BTBD9: variants seen among roughly 807,000 people sequenced by gnomAD.
The protein encoded by BTBD9 is BTB domain containing 9.
A neutral mutation model predicts 64.3 loss-of-function variants in BTBD9; 49 were observed. The observed-to-expected ratio is 0.76, with a 90% confidence interval of 0.61 to 0.97. The LOEUF is 0.97. BTBD9 is among the 50% of genes least tolerant of loss of function. BTBD9 has a pLI of 0.00. For missense variants in BTBD9, 598 were observed against 762.1 expected, an observed-to-expected ratio of 0.78 and a Z score of 2.53; for synonymous variants, 260 against 274.7, an observed-to-expected ratio of 0.95 and a Z score of 0.53.
At chr6:38,596,616 C>A (rs1051514635) in intron 2 of BTBD9, among the ~76,000 whole-genome samples, 8 of 151,710 alleles carry the variant, frequency 5.3e-5, no homozygotes, top group African/African-American at 1.9e-4. Flanking sequence ...CTGGCTAACA[C>A]GGTGAAACCC....
intron 8 of BTBD9, among the ~76,000 whole-genome samples, chr6:38,279,309 C>T (rs575271217): frequency 2.6e-5 from 4 of 152,080 alleles, no homozygotes; most frequent in Non-Finnish European, 4.4e-5. Context: ...CAGGTGCTAT[C>T]GAGATGTACC....
intron 1 of BTBD9, among the ~76,000 whole-genome samples, chr6:38,636,975 C>A (rs980917455): frequency 6.6e-6 from 1 of 152,150 alleles, no homozygotes; most frequent in Non-Finnish European, 1.5e-5. Context: ...TTTCCAAAAG[C>A]GCTATTTAAT....
At position 38,544,776 on chromosome 6, in the gene BTBD9, A is replaced by C. The variant is rs534362927; in HGVS notation, c.1154+32824T>G. On this transcript the variant is annotated intron_variant, in intron 6 of 10. Transcript: ENST00000481247. Reference sequence around the variant, plus strand: ...ACCCTGTCTCTACTAAAAATACAAAAATTAGCCGGGCGTGGTGGTGGGCAC... The same window carrying C: ...ACCCTGTCTCTACTAAAAATACAAACATTAGCCGGGCGTGGTGGTGGGCAC... Among the ~76,000 whole-genome samples the C allele has an allele frequency of 1.3e-4, 19 of 151,792 alleles. No individual in the cohort carries two copies. The South Asian group carries it at 2.3e-3, about 18-fold the overall frequency.
chr6:38,327,654 A>G (rs190457510), intron 7 of BTBD9, among the ~76,000 whole-genome samples: 1 of 152,320 alleles, frequency 6.6e-6, no homozygotes, highest in East Asian at 1.9e-4. Context: ...TCGTGAAACC[A>G]TCAGCACAAT....
chr6:38,363,604 G>T (rs2127599606), intron 6 of BTBD9, among the ~76,000 whole-genome samples: 1 of 152,254 alleles, frequency 6.6e-6, no homozygotes, highest in East Asian at 1.9e-4. Context: ...TAACTCTGAA[G>T]AGCTTGCATG....
intron 4 of BTBD9, among the ~76,000 whole-genome samples, chr6:38,584,093 G>A (rs564851844): frequency 8.5e-5 from 13 of 152,208 alleles, no homozygotes; most frequent in South Asian, 2.1e-4. Context: ...TTGGGAGGCC[G>A]AGACAGGTGG....
chr6:38,448,630 G>A (rs1769379758), intron 6 of BTBD9, among the ~76,000 whole-genome samples: 1 of 152,112 alleles, frequency 6.6e-6, no homozygotes, highest in South Asian at 2.1e-4. Flanking sequence ...CAATTCTTGT[G>A]CTTCAGCCTC....
chr6:38,391,269 C>T (rs1462720931), intron 6 of BTBD9, among the ~76,000 whole-genome samples: 8 of 152,174 alleles, frequency 5.3e-5, no homozygotes. Flanking sequence ...TTAACAATTT[C>T]CTAATCACAT....
chr6:38,362,605 G>A (rs1765006941), intron 6 of BTBD9, among the ~76,000 whole-genome samples: 1 of 152,178 alleles, frequency 6.6e-6, no homozygotes, highest in Admixed American at 6.5e-5. Flanking sequence ...GAAACGTGAT[G>A]CTTAAGGCTT....
intron 9 of BTBD9, among the ~76,000 whole-genome samples, chr6:38,195,806 C>T (rs915936699): frequency 6.6e-6 from 1 of 152,112 alleles, no homozygotes. Context: ...ATGTGCAGAA[C>T]TATACACGTA....
intron 6 of BTBD9, among the ~76,000 whole-genome samples, chr6:38,560,983 T>C (rs1008205722): frequency 2.0e-5 from 3 of 152,232 alleles, no homozygotes; most frequent in Non-Finnish European, 2.9e-5. Context: ...CAGTCTACCA[T>C]TGATGGGCAT....
At chr6:38,417,215 A>C (rs1767707068) in intron 6 of BTBD9, among the ~76,000 whole-genome samples, 1 of 152,136 alleles carries the variant, frequency 6.6e-6, no homozygotes, top group Admixed American at 6.5e-5. Flanking sequence ...AAGCACCAGG[A>C]TTATAGGCAT....
chr6:38,556,633 AT>A (rs1430027812), intron 6 of BTBD9, among the ~76,000 whole-genome samples: 57 of 149,994 alleles, frequency 3.8e-4, no homozygotes, highest in African/African-American at 9.6e-4. Context: ...AAAATAAAAC[AT>A]TTTTTTTTAA....
At chr6:38,488,875 T>C (rs1771573106) in intron 6 of BTBD9, among the ~76,000 whole-genome samples, 1 of 146,354 alleles carries the variant, frequency 6.8e-6, no homozygotes, top group Non-Finnish European at 1.5e-5. Flanking sequence ...ATTTTCAACA[T>C]TTTATTATTT....
chr6:38,611,911 T>C (rs563174810), intron 1 of BTBD9, among the ~76,000 whole-genome samples: 6 of 152,338 alleles, frequency 3.9e-5, no homozygotes, highest in African/African-American at 1.2e-4. Context: ...TCATACTGCA[T>C]CTTTCTTGGT....
At chr6:38,591,710 T>G (rs898362354) in intron 4 of BTBD9, among the ~76,000 whole-genome samples, 8 of 151,996 alleles carry the variant, frequency 5.3e-5, no homozygotes, top group African/African-American at 1.9e-4. Context: ...CCTCAAAGAG[T>G]TGTGAGAATT....
chr6:38,630,526 A>T (rs1778327401), intron 1 of BTBD9, among the ~76,000 whole-genome samples: 1 of 152,200 alleles, frequency 6.6e-6, no homozygotes, highest in South Asian at 2.1e-4. Flanking sequence ...GAGAGAGAGA[A>T]GGATAAAACA....
rs541249866 is a variant in BTBD9, at chr6:38,275,892, T to C, written c.1454+12380A>G. On this transcript the variant is annotated intron_variant, in intron 8 of 10. Coordinates refer to ENST00000481247, the MANE Select transcript of BTBD9 (RefSeq NM_001099272.2). ...TGGAGAAATAGGAACACTTTTACAC[T>C]GTTGGTGGGACTGTAAACTAGTTCA... 1.3e-3 allele frequency among the ~76,000 whole-genome samples: 191 copies of C among 152,010 alleles called. 1 individual carries two copies. Among genetic ancestry groups the C allele is most frequent in the South Asian group, 4.2e-3 (20 of 4,796 alleles).
intron 9 of BTBD9, among the ~76,000 whole-genome samples, chr6:38,218,636 G>C (rs1763092342): frequency 6.6e-6 from 1 of 152,126 alleles, no homozygotes; most frequent in Non-Finnish European, 1.5e-5. Flanking sequence ...TGACTTTCCT[G>C]GTCTGGAATG....
Sources: gnomAD v4.1 joint callset for allele counts (sites outside exome capture counted in the v4.1 genomes callset) on GRCh38, gnomAD v4.1.1 for gene constraint, MANE v1.5 for transcripts, NCBI Gene and HGNC (gene_info 2026-07-23, HGNC 2026-07-21) for gene names.